IFT25: variants seen among roughly 807,000 people sequenced by gnomAD.
IFT25 encodes intraflagellar transport 25.
chr1:53,930,050 T>TCAAA, the IFT25 span: 1 of 1,557,430 alleles, frequency 6.4e-7, no homozygotes, highest in Non-Finnish European at 8.6e-7. Context: ...AAAGTAACTT[T>TCAAA]GGATTACAAG....
chr1:53,939,981 T>C, the IFT25 span: 4 of 1,532,302 alleles, frequency 2.6e-6, no homozygotes, highest in Non-Finnish European at 2.7e-6. Context: ...ATAGTAACTC[T>C]TACCCATCAA....
the IFT25 span, among the ~76,000 whole-genome samples, chr1:53,934,722 GGT>G: frequency 6.5e-4 from 99 of 152,336 alleles, no homozygotes; most frequent in African/African-American, 2.2e-3. Flanking sequence ...AACCAGGCCA[GGT>G]GTGTTAGCAC....
the IFT25 span, among the ~76,000 whole-genome samples, chr1:53,913,418 G>C: frequency 6.6e-6 from 1 of 152,198 alleles, no homozygotes; most frequent in Non-Finnish European, 1.5e-5. Flanking sequence ...ACCTGACCCA[G>C]AGCAGTCCCC....
At chr1:53,925,649 A>G in the IFT25 span, among the ~76,000 whole-genome samples, 1 of 150,512 alleles carries the variant, frequency 6.6e-6, no homozygotes, top group Non-Finnish European at 1.5e-5. Flanking sequence ...TGAGCAATAG[A>G]GTGAGACTCA....
chr1:53,946,040 G>GC, the IFT25 span: 6 of 151,644 alleles, frequency 4.0e-5, no homozygotes. Flanking sequence ...CCTCCCACAG[G>GC]CCCCGCCCAC....
At chr1:53,938,449 C>T in the IFT25 span, among the ~76,000 whole-genome samples, 6 of 152,098 alleles carry the variant, frequency 3.9e-5, no homozygotes, top group Non-Finnish European at 7.4e-5. Flanking sequence ...AAGAGATAAA[C>T]GAATCTGAGG....
the IFT25 span, chr1:53,930,074 A>C: frequency 6.3e-7 from 1 of 1,576,922 alleles, no homozygotes; most frequent in African/African-American, 1.4e-5. Context: ...TTCAATCCTT[A>C]CATGTTTGTG....
the IFT25 span, among the ~76,000 whole-genome samples, chr1:53,932,093 T>G: frequency 6.6e-6 from 1 of 152,242 alleles, no homozygotes. Context: ...GGCTCACTCC[T>G]GTAATCCCAG....
At chr1:53,933,298 C>T in the IFT25 span, among the ~76,000 whole-genome samples, 1 of 152,064 alleles carries the variant, frequency 6.6e-6, no homozygotes, top group African/African-American at 2.4e-5. Context: ...CCACGCCTGG[C>T]TAATTTTTTT....
chr1:53,923,003 G>A, the IFT25 span, among the ~76,000 whole-genome samples: 2 of 152,078 alleles, frequency 1.3e-5, no homozygotes, highest in African/African-American at 4.8e-5. Context: ...AACAATATAC[G>A]AAAGGTAGCA....
At chr1:53,943,092 C>T in the IFT25 span, among the ~76,000 whole-genome samples, 2 of 152,034 alleles carry the variant, frequency 1.3e-5, no homozygotes, top group Admixed American at 1.3e-4. Context: ...TTTTACACCT[C>T]CTGGGGCGTG....
the IFT25 span, among the ~76,000 whole-genome samples, chr1:53,920,753 G>C: frequency 2.6e-5 from 4 of 152,284 alleles, no homozygotes; most frequent in South Asian, 2.1e-4. Flanking sequence ...GATTGCTTGA[G>C]CCCAGGAGTT....
At chr1:53,914,326 G>C in the IFT25 span, among the ~76,000 whole-genome samples, 319 of 152,038 alleles carry the variant, frequency 2.1e-3, 2 homozygotes, top group Non-Finnish European at 1.2e-3. Context: ...TTGATGTTAG[G>C]GATTATAGCT....
chr1:53,937,659 A>G, the IFT25 span, among the ~76,000 whole-genome samples: 7 of 152,252 alleles, frequency 4.6e-5, no homozygotes, highest in African/African-American at 1.7e-4. Context: ...TTCTATAAAC[A>G]TATGAACATA....
the IFT25 span, among the ~76,000 whole-genome samples, chr1:53,914,696 G>T: frequency 3.3e-5 from 5 of 152,054 alleles, no homozygotes; most frequent in Non-Finnish European, 5.9e-5. Flanking sequence ...TTAAAACTTT[G>T]ATGTACACTG....
chr1:53,942,552 T>C, the IFT25 span, among the ~76,000 whole-genome samples: 1 of 152,200 alleles, frequency 6.6e-6, no homozygotes, highest in Non-Finnish European at 1.5e-5. Flanking sequence ...ATATTTACTA[T>C]TTGGCCCTTT....
At chr1:53,922,349 G>A in the IFT25 span, among the ~76,000 whole-genome samples, 3 of 148,960 alleles carry the variant, frequency 2.0e-5, no homozygotes, top group Middle Eastern at 3.6e-3. Flanking sequence ...AGCAGAGATC[G>A]CACCACTGCA....
At chr1:53,915,859 A>G in the IFT25 span, among the ~76,000 whole-genome samples, 1 of 152,198 alleles carries the variant, frequency 6.6e-6, no homozygotes, top group Non-Finnish European at 1.5e-5. Context: ...TGAAAGGGAA[A>G]GAGGATGCCA....
chr1:53,934,166 G>T, the IFT25 span, among the ~76,000 whole-genome samples: 4 of 152,076 alleles, frequency 2.6e-5, no homozygotes, highest in Admixed American at 2.6e-4. Flanking sequence ...TCAACCTGCA[G>T]GATTTCCTTT....
Sources: gnomAD v4.1 joint callset for allele counts (sites outside exome capture counted in the v4.1 genomes callset) on GRCh38, gnomAD v4.1.1 for gene constraint, MANE v1.5 for transcripts, NCBI Gene and HGNC (gene_info 2026-07-23, HGNC 2026-07-21) for gene names.